DACH2: variants seen among roughly 807,000 people sequenced by gnomAD.
The protein encoded by DACH2 is dachshund family transcription factor 2.
Under a neutral mutation model 35.8 loss-of-function variants are expected in DACH2, and 17 were observed. The observed-to-expected ratio is 0.48, with a 90% CI of 0.33 to 0.71. The LOEUF (loss-of-function observed/expected upper bound fraction) is 0.71, where lower values mean the gene tolerates loss of function less well. DACH2 is among the 30% of genes least tolerant of loss of function. DACH2 has a pLI of 0.02. For missense variants in DACH2, 469 were observed against 472.7 expected, an observed-to-expected ratio of 0.99 and a Z score of 0.07; for synonymous variants, 195 against 177.3, an observed-to-expected ratio of 1.10 and a Z score of -0.79.
Position 86,246,794 on chromosome X carries a change from T to C in DACH2, c.488+97686T>C, listed in dbSNP as rs769382338. Among the ~76,000 whole-genome samples, 343 of 111,442 alleles carry C rather than the reference T, an allele frequency of 3.1e-3. 1 individual carries two copies. Among genetic ancestry groups the C allele is most frequent in the African/African-American group, 0.01 (321 of 30,730 alleles). On this transcript the variant is annotated intron_variant, in intron 1 of 11. Coordinates refer to ENST00000373125, the MANE Select transcript of DACH2 (RefSeq NM_053281.3). ...CGATCAAGTCTGAATAACAACCAGATAACAGTGTGATAGGATGAAGTCCAC... is the reference window on the plus strand; with the variant it reads ...CGATCAAGTCTGAATAACAACCAGACAACAGTGTGATAGGATGAAGTCCAC...
rs1017543245 is a variant in DACH2 at position 86,750,307 on chromosome X, A to G, written c.1240+10425A>G. Among the ~76,000 whole-genome samples, 10 of 112,074 alleles carry G rather than the reference A, an allele frequency of 8.9e-5. No homozygotes were observed. The South Asian group carries it at 1.1e-3, about 12-fold the overall frequency. On this transcript the variant is annotated intron_variant, in intron 7 of 11. Coordinates refer to ENST00000373125, the MANE Select transcript of DACH2 (RefSeq NM_053281.3). ...TTTTGTGTATTTACTATGAAAACAC[A>G]TTGTATTTTGTCACATTGTTTTGCT...
intron 3 of DACH2, among the ~76,000 whole-genome samples, chrX:86,613,690 G>C (rs1369730362): frequency 9.0e-6 from 1 of 111,102 alleles, no homozygotes; most frequent in East Asian, 2.8e-4. Flanking sequence ...GGTGTTTCCT[G>C]AGAATAAGGT....
In DACH2 at chrX:86,794,271, G is replaced by C. The variant is rs143935816; in HGVS notation, c.1241-18585G>C. 1.7e-3 allele frequency among the ~76,000 whole-genome samples: 185 copies of C among 110,551 alleles called. No individual in the cohort carries two copies. In the Middle Eastern group the frequency reaches 0.023, roughly 14 times the overall value. On this transcript the variant is annotated intron_variant, in intron 7 of 11. Coordinates refer to ENST00000373125, the MANE Select transcript of DACH2 (RefSeq NM_053281.3). ...GAACAGGGTATACAGCTTTGAAAGC[G>C]TATGCCACAGTACTAATGGGAATGT...
chrX:86,551,616 G>C (rs1397716720), intron 3 of DACH2, among the ~76,000 whole-genome samples: 2 of 111,851 alleles, frequency 1.8e-5, no homozygotes, highest in East Asian at 5.6e-4. Context: ...AGTTACATTA[G>C]AAAGGTATGA....
At chrX:86,356,749 TG>T (rs776432554) in intron 1 of DACH2, among the ~76,000 whole-genome samples, 1 of 111,896 alleles carries the variant, frequency 8.9e-6, no homozygotes, top group African/African-American at 3.2e-5. Flanking sequence ...TGCTAGATCT[TG>T]GCAGATATAT....
chrX:86,317,572 T>A (rs1257894582), intron 1 of DACH2, among the ~76,000 whole-genome samples: 1 of 112,400 alleles, frequency 8.9e-6, no homozygotes, highest in Non-Finnish European at 1.9e-5. Flanking sequence ...GTCCTCAATT[T>A]TGTTAAAAAC....
chrX:86,333,861 A>G (rs1262077686), intron 1 of DACH2, among the ~76,000 whole-genome samples: 2 of 111,245 alleles, frequency 1.8e-5, no homozygotes, highest in Non-Finnish European at 3.8e-5. Flanking sequence ...GCAACCATCA[A>G]CCCATCATCT....
At chrX:86,254,803 T>TAGAG (rs1191986026) in intron 1 of DACH2, among the ~76,000 whole-genome samples, 1 of 65,164 alleles carries the variant, frequency 1.5e-5, no homozygotes, top group South Asian at 8.3e-4. Flanking sequence ...TATATATATA[T>TAGAG]ATATAGAGAG....
intron 7 of DACH2, among the ~76,000 whole-genome samples, chrX:86,748,000 G>A (rs755868909): frequency 6.0e-4 from 67 of 111,912 alleles, no homozygotes; most frequent in Non-Finnish European, 9.0e-4. Context: ...AGTATATTCC[G>A]TCTCAGTAAA....
chrX:86,692,042 G>A (rs758889081), intron 4 of DACH2, among the ~76,000 whole-genome samples: 6 of 111,334 alleles, frequency 5.4e-5, no homozygotes, highest in Admixed American at 2.9e-4. Flanking sequence ...TAAAAATGAT[G>A]AGAGATTTAG....
At position 86,397,602 on chromosome X, in the gene DACH2, G is replaced by T. The variant is rs147643959; in HGVS notation, c.527+20740G>T. On this transcript the variant is annotated intron_variant, in intron 2 of 11. Coordinates refer to ENST00000373125, the MANE Select transcript of DACH2 (RefSeq NM_053281.3). ...TTTACTGAGAGTGTTTAGCATGAAG[G>T]GTTGTTGAATTTTGTCAAAGGCCTT... Among the ~76,000 whole-genome samples the T allele has an allele frequency of 3.8e-3, 426 of 111,622 alleles. 3 individuals carry two copies. The highest frequency in any genetic ancestry group is 4.6e-3 in the Middle Eastern group (1 of 216).
chrX:86,631,952 G>T (rs187429820), intron 3 of DACH2, among the ~76,000 whole-genome samples: 121 of 110,726 alleles, frequency 1.1e-3, no homozygotes, highest in African/African-American at 3.7e-3. Flanking sequence ...ATGCATGAAT[G>T]ATTAAAAAAA....
At chrX:86,361,709 T>C (rs924478138) in intron 1 of DACH2, among the ~76,000 whole-genome samples, 1 of 111,743 alleles carries the variant, frequency 8.9e-6, no homozygotes, top group Non-Finnish European at 1.9e-5. Flanking sequence ...TATTCTTTTG[T>C]AAAATATCTT....
At chrX:86,284,287 T>C (rs945660704) in intron 1 of DACH2, among the ~76,000 whole-genome samples, 5 of 111,583 alleles carry the variant, frequency 4.5e-5, no homozygotes, top group African/African-American at 1.6e-4. Context: ...TTTTAGGGTA[T>C]TTATCATGAA....
At chrX:86,301,130 A>G (rs1343808129) in intron 1 of DACH2, among the ~76,000 whole-genome samples, 1 of 112,048 alleles carries the variant, frequency 8.9e-6, no homozygotes, top group Non-Finnish European at 1.9e-5. Flanking sequence ...TAAAGATTAT[A>G]AAGCATATAC....
At chrX:86,309,380 C>T (rs4828373) in intron 1 of DACH2, among the ~76,000 whole-genome samples, 20,625 of 111,789 alleles carry the variant, frequency 0.18, 2,031 homozygotes, top group African/African-American at 0.35. Flanking sequence ...TTTCTCCATT[C>T]CTGTTTATAA....
intron 11 of DACH2, among the ~76,000 whole-genome samples, chrX:86,825,209 G>C (rs1365118348): frequency 9.0e-6 from 1 of 111,233 alleles, no homozygotes; most frequent in East Asian, 2.8e-4. Context: ...CAGGTATGGA[G>C]TTTGAGACCA....
intron 1 of DACH2, among the ~76,000 whole-genome samples, chrX:86,369,187 G>T (rs1246973338): frequency 2.7e-5 from 3 of 110,525 alleles, no homozygotes; most frequent in East Asian, 5.8e-4. Flanking sequence ...TATATATATT[G>T]CTTTGAAAGA....
At chrX:86,635,016 A>G (rs975529891) in intron 3 of DACH2, among the ~76,000 whole-genome samples, 3 of 111,677 alleles carry the variant, frequency 2.7e-5, no homozygotes, top group East Asian at 5.7e-4. Context: ...AACTTATTCT[A>G]TAAGGCCAGC....
Sources: allele counts gnomAD v4.1 joint callset (sites outside exome capture counted in the v4.1 genomes callset), GRCh38; gene constraint gnomAD v4.1.1; transcripts MANE v1.5; gene names NCBI Gene and HGNC (gene_info 2026-07-23, HGNC 2026-07-21).